CCDC93: variants seen among roughly 807,000 people sequenced by gnomAD.
CCDC93 encodes CCC complex scaffolding subunit CCDC93.
A neutral mutation model predicts 108.2 loss-of-function variants in CCDC93; 61 were observed. That is an observed-to-expected ratio of 0.56 (90% CI 0.46 to 0.70). CCDC93 has a LOEUF of 0.70. CCDC93 is among the 30% of genes least tolerant of loss of function. CCDC93 has a pLI of 0.00. For synonymous variants in CCDC93, 276 were observed against 260.4 expected (o/e 1.06, Z -0.58); for missense variants, 685 against 764.2 (o/e 0.90, Z 1.22).
At chr2:117,996,556 G>A (rs1680656754) in intron 4 of CCDC93, 194 bp from the exon 5 acceptor site, 1 of 512,322 alleles carries the variant, frequency 2.0e-6, no homozygotes, top group East Asian at 3.3e-5. Flanking sequence ...GATCCAATGG[G>A]ACCTAGTGCT....
intron 11 of CCDC93, among the ~76,000 whole-genome samples, chr2:117,969,758 AATATCCCCT>A (rs1048706015): frequency 1.6e-4 from 25 of 152,140 alleles, no homozygotes; most frequent in Admixed American, 1.4e-3. Flanking sequence ...AAAATGACCA[AATATCCCCT>A]ATACTAGCTA....
intron 1 of CCDC93, among the ~76,000 whole-genome samples, chr2:118,013,600 C>A (rs1677078419): frequency 6.6e-6 from 1 of 152,152 alleles, no homozygotes; most frequent in South Asian, 2.1e-4. Context: ...TCGGGGCTAG[C>A]CCTGCGGCGC....
chr2:117,980,455 G>C (rs565306591), intron 7 of CCDC93, among the ~76,000 whole-genome samples: 5 of 152,230 alleles, frequency 3.3e-5, no homozygotes, highest in African/African-American at 9.6e-5. Context: ...TCCAAATAAG[G>C]AAGTGAACAA....
chr2:117,924,902 A>C (rs1343277397), intron 23 of CCDC93, among the ~76,000 whole-genome samples: 1 of 152,246 alleles, frequency 6.6e-6, no homozygotes, highest in African/African-American at 2.4e-5. Flanking sequence ...CACAAAGGGA[A>C]GCCCATCAGA....
intron 16 of CCDC93, 69 bp downstream of exon 16, chr2:117,946,742 G>T: frequency 2.7e-6 from 3 of 1,091,796 alleles, no homozygotes; most frequent in South Asian, 1.3e-5. Context: ...TCTGCTCTTT[G>T]GTCCTCTAGA....
chr2:118,005,473 A>C (rs2104829723), intron 3 of CCDC93, among the ~76,000 whole-genome samples: 1 of 152,344 alleles, frequency 6.6e-6, no homozygotes, highest in African/African-American at 2.4e-5. Flanking sequence ...AGCCTGATTA[A>C]GAAGCATAGG....
At chr2:117,987,287 C>T (rs2104802373) in intron 6 of CCDC93, among the ~76,000 whole-genome samples, 1 of 152,240 alleles carries the variant, frequency 6.6e-6, no homozygotes. Context: ...ATAATTTGTC[C>T]AAGATCCCTG....
At chr2:118,006,675 G>GT in intron 3 of CCDC93, 47 bp downstream of exon 3, 1 of 1,135,202 alleles carries the variant, frequency 8.8e-7, no homozygotes, top group Non-Finnish European at 1.3e-6. Context: ...ACACTCAAAA[G>GT]TTAGTTCCCT....
chr2:117,955,116 C>T (rs1679178176), intron 12 of CCDC93, among the ~76,000 whole-genome samples: 1 of 152,154 alleles, frequency 6.6e-6, no homozygotes, highest in Non-Finnish European at 1.5e-5. Context: ...TAGTACCTCC[C>T]CTTCATAAGG....
chr2:117,970,617 C>T (rs763118382), intron 11 of CCDC93, among the ~76,000 whole-genome samples: 4 of 152,178 alleles, frequency 2.6e-5, no homozygotes, highest in Non-Finnish European at 5.9e-5. Flanking sequence ...AAACGTTACT[C>T]GAGTATAGTC....
chr2:117,959,042 G>C (rs1181893103), intron 11 of CCDC93, among the ~76,000 whole-genome samples: 1 of 152,182 alleles, frequency 6.6e-6, no homozygotes, highest in East Asian at 1.9e-4. Context: ...AGAGAGGTCA[G>C]GTAGGAAAAG....
intron 6 of CCDC93, among the ~76,000 whole-genome samples, chr2:117,993,604 A>G (rs577227743): frequency 5.6e-4 from 86 of 152,344 alleles, no homozygotes; most frequent in African/African-American, 2.0e-3. Flanking sequence ...TAACATGATT[A>G]TCACCTTGTT....
At chr2:117,952,123 C>T (rs1262851040) in intron 13 of CCDC93, among the ~76,000 whole-genome samples, 1 of 152,000 alleles carries the variant, frequency 6.6e-6, no homozygotes, top group Non-Finnish European at 1.5e-5. Context: ...CCTTTCCTGA[C>T]CCTCGCAGCC....
intron 23 of CCDC93, among the ~76,000 whole-genome samples, chr2:117,923,327 C>T (rs58698268): frequency 0.15 from 23,567 of 152,152 alleles, 2,092 homozygotes; most frequent in South Asian, 0.22. Context: ...CATCGCCTCA[C>T]CCAGGAAGCA....
At chr2:117,998,461 G>A (rs887807343) in intron 4 of CCDC93, 4 of 152,260 alleles carry the variant, frequency 2.6e-5, no homozygotes, top group African/African-American at 9.6e-5. Context: ...AAATGATAAA[G>A]CAAGATTGTA....
chr2:117,929,610 A>C (rs558325282), intron 23 of CCDC93, among the ~76,000 whole-genome samples: 1 of 152,330 alleles, frequency 6.6e-6, no homozygotes, highest in South Asian at 2.1e-4. Context: ...GGGTGTCTCC[A>C]AGCAGCATTT....
intron 5 of CCDC93, 170 bp from the exon 6 acceptor site, chr2:117,995,672 AC>A (rs1680624677): frequency 1.7e-6 from 1 of 601,446 alleles, no homozygotes; most frequent in Non-Finnish European, 3.0e-6. Context: ...AAGGCTACAA[AC>A]CCTGCAGATG....
intron 23 of CCDC93, among the ~76,000 whole-genome samples, chr2:117,921,374 G>A (rs917714751): frequency 2.0e-5 from 3 of 151,922 alleles, no homozygotes; most frequent in East Asian, 1.9e-4. Context: ...TTCTAACTGC[G>A]CCTCCTGCCC....
rs572791969 is a variant in CCDC93, at chr2:117,988,824, G to T, written c.520-2755C>A. The stretch of plus-strand genomic sequence containing the variant: ...AATCATTTCTGTAGAATTTCCTCCA[G>T]TGACACCCCTCACCCCTGTTCTTCC... On this transcript the variant is annotated intron_variant, in intron 6 of 23. Transcript: ENST00000376300. Among the ~76,000 whole-genome samples, 39 of 152,342 alleles carry T rather than the reference G, an allele frequency of 2.6e-4. 1 individual carries two copies. In the South Asian group the frequency reaches 5.4e-3, roughly 21 times the overall value.
Sources: gnomAD v4.1 joint callset for allele counts (sites outside exome capture counted in the v4.1 genomes callset) on GRCh38, gnomAD v4.1.1 for gene constraint, MANE v1.5 for transcripts, NCBI Gene and HGNC (gene_info 2026-07-23, HGNC 2026-07-21) for gene names.